The following GRAMD2B variants were observed in gnomAD, a reference collection of about 807,000 sequenced individuals.
GRAMD2B encodes the protein GRAM domain containing 2B, also known as GRAM domain-containing protein 2B.
In GRAMD2B, 41 loss-of-function variants were observed where a neutral mutation model predicts 59.2. That is an observed-to-expected ratio of 0.69 (90% CI 0.54 to 0.90). The LOEUF (loss-of-function observed/expected upper bound fraction) is 0.90, where lower values mean the gene tolerates loss of function less well. Ranked by LOEUF, GRAMD2B falls within the 40% of genes least tolerant of loss-of-function variation. The pLI is 0.00. For synonymous variants in GRAMD2B, 161 were observed against 182.7 expected (o/e 0.88, Z 0.96); for missense variants, 424 against 500.5 (o/e 0.85, Z 1.46).
intron 1 of GRAMD2B, among the ~76,000 whole-genome samples, chr5:126,416,959 C>T (rs1759314807): frequency 6.6e-6 from 1 of 152,200 alleles, no homozygotes; most frequent in Non-Finnish European, 1.5e-5. Context: ...TCAGTCTCTC[C>T]CACTAGAATG....
In GRAMD2B at chr5:126,456,200, C is replaced by G. The variant is rs555631981; in HGVS notation, c.84-9226C>G. On this transcript the variant is annotated intron_variant, in intron 1 of 13. Coordinates refer to ENST00000285689, the MANE Select transcript of GRAMD2B (RefSeq NM_023927.4). ...CACCTCTCCCATCCCCTATCTGCCC[C>G]CTCAGTAGCTACCACTTTTTTTGTT... 2.5e-4 allele frequency among the ~76,000 whole-genome samples: 38 copies of G among 152,094 alleles called. No individual in the cohort carries two copies. The South Asian group carries it at 7.7e-3, about 31-fold the overall frequency.
chr5:126,408,884 C>T (rs1758505535), intron 1 of GRAMD2B, among the ~76,000 whole-genome samples: 1 of 140,592 alleles, frequency 7.1e-6, no homozygotes, highest in South Asian at 2.4e-4. Context: ...GTTCCCCTTC[C>T]TGTGTCCATG....
intron 1 of GRAMD2B, among the ~76,000 whole-genome samples, chr5:126,371,976 A>G (rs1014236398): frequency 6.6e-6 from 1 of 152,074 alleles, no homozygotes; most frequent in Non-Finnish European, 1.5e-5. Flanking sequence ...TATTAAGATA[A>G]TTGCCTTCTT....
At chr5:126,469,565 G>A (rs1038589349) in intron 2 of GRAMD2B, 112 bp from the exon 3 acceptor site, 33 of 713,382 alleles carry the variant, frequency 4.6e-5, no homozygotes, top group Admixed American at 2.0e-4. Flanking sequence ...AGTCCTGGAC[G>A]GGGAGGTTGC....
chr5:126,433,817 T>A (rs1761975929), intron 1 of GRAMD2B: 1 of 152,268 alleles, frequency 6.6e-6, no homozygotes, highest in Admixed American at 6.5e-5. Flanking sequence ...GTGAATGTTG[T>A]GTCTTTAAAA....
At chr5:126,380,369 G>A (rs955726250) in intron 1 of GRAMD2B, among the ~76,000 whole-genome samples, 1 of 152,062 alleles carries the variant, frequency 6.6e-6, no homozygotes, top group Non-Finnish European at 1.5e-5. Flanking sequence ...CTTTTGCTTA[G>A]TCTTGCTTTG....
chr5:126,378,261 T>G (rs1223479548), intron 1 of GRAMD2B, among the ~76,000 whole-genome samples: 1 of 152,198 alleles, frequency 6.6e-6, no homozygotes, highest in Non-Finnish European at 1.5e-5. Flanking sequence ...CTTTTCTGTT[T>G]ACTGAAAATA....
At chr5:126,491,752 A>G (rs1187675404) in intron 13 of GRAMD2B, among the ~76,000 whole-genome samples, 2 of 151,146 alleles carry the variant, frequency 1.3e-5, no homozygotes, top group African/African-American at 4.9e-5. Context: ...TTTTTTTCCC[A>G]AGACAGAGTC....
chr5:126,402,104 G>C (rs573935981), intron 1 of GRAMD2B, among the ~76,000 whole-genome samples: 2 of 152,050 alleles, frequency 1.3e-5, no homozygotes, highest in Non-Finnish European at 2.9e-5. Context: ...CAGCTGAATT[G>C]GTTTTCAGCC....
intron 1 of GRAMD2B, among the ~76,000 whole-genome samples, chr5:126,451,577 G>A (rs970951186): frequency 7.2e-5 from 11 of 152,302 alleles, no homozygotes; most frequent in South Asian, 2.1e-4. Flanking sequence ...AGTGGTAGGA[G>A]ATGAGTCTCT....
At chr5:126,399,906 A>G (rs1250125441) in intron 1 of GRAMD2B, among the ~76,000 whole-genome samples, 1 of 152,030 alleles carries the variant, frequency 6.6e-6, no homozygotes, top group Non-Finnish European at 1.5e-5. Context: ...ACTGGATCCC[A>G]TTTTCTTAAT....
chr5:126,473,682 G>C (rs1357201862), intron 5 of GRAMD2B, among the ~76,000 whole-genome samples: 1 of 152,180 alleles, frequency 6.6e-6, no homozygotes, highest in Non-Finnish European at 1.5e-5. Context: ...ACTCAAAGTT[G>C]TTTATATGGA....
intron 1 of GRAMD2B, among the ~76,000 whole-genome samples, chr5:126,363,952 T>A (rs904013937): frequency 6.6e-6 from 1 of 152,178 alleles, no homozygotes; most frequent in African/African-American, 2.4e-5. Context: ...AATTGTACAC[T>A]TCGAACAAGT....
At chr5:126,468,399 A>T (rs771584459) in intron 2 of GRAMD2B, among the ~76,000 whole-genome samples, 4 of 152,088 alleles carry the variant, frequency 2.6e-5, no homozygotes, top group African/African-American at 9.7e-5. Context: ...TCTTTTCCTC[A>T]TACCCAATTC....
rs141836632 is a variant in GRAMD2B at position 126,397,382 on chromosome 5, G to A, written c.125+25815G>A. 4.7e-3 allele frequency among the ~76,000 whole-genome samples: 716 copies of A among 151,998 alleles called. 3 individuals are homozygous for A. Among genetic ancestry groups the A allele is most frequent in the African/African-American group, 0.016 (663 of 41,438 alleles). ...TGGGACTGCAGGCATGCACTACCAC[G>A]CCTGGCTAACTTTTGTATTTTTTGT... On this transcript the variant is annotated intron_variant, in intron 1 of 8. Transcript: ENST00000506445.
At chr5:126,483,396 A>G in intron 8 of GRAMD2B, 67 bp from the exon 9 acceptor site, 1 of 899,498 alleles carries the variant, frequency 1.1e-6, no homozygotes, top group Admixed American at 1.8e-5. Context: ...AAGGGCTGGG[A>G]GTTACAAAGG....
At chr5:126,406,162 AT>A (rs1376513654) in intron 1 of GRAMD2B, among the ~76,000 whole-genome samples, 1 of 151,852 alleles carries the variant, frequency 6.6e-6, no homozygotes, top group Non-Finnish European at 1.5e-5. Flanking sequence ...TCATTCTATT[AT>A]TTTACTAACT....
intron 1 of GRAMD2B, among the ~76,000 whole-genome samples, chr5:126,385,845 A>C (rs1756079611): frequency 1.3e-5 from 2 of 152,192 alleles, no homozygotes; most frequent in South Asian, 4.1e-4. Flanking sequence ...CCCTGAGGAA[A>C]TGAAACAGAA....
At chr5:126,475,285 T>C (rs1168459849) in intron 5 of GRAMD2B, among the ~76,000 whole-genome samples, 1 of 152,246 alleles carries the variant, frequency 6.6e-6, no homozygotes, top group Non-Finnish European at 1.5e-5. Context: ...TATCTGGTTG[T>C]AATTTTATAC....
Sources: gnomAD v4.1 joint callset for allele counts (sites outside exome capture counted in the v4.1 genomes callset) on GRCh38, gnomAD v4.1.1 for gene constraint, MANE v1.5 for transcripts, NCBI Gene and HGNC (gene_info 2026-07-23, HGNC 2026-07-21) for gene names.